The following GLT1D1 variants were observed in gnomAD, a reference collection of about 807,000 sequenced individuals.
GLT1D1 encodes the protein glycosyltransferase 1 domain-containing protein 1.
GLT1D1 carries 21 observed loss-of-function variants against 28.7 expected under a neutral mutation model. The observed-to-expected ratio is 0.73, with a 90% CI of 0.52 to 1.05. GLT1D1 has a LOEUF of 1.05. GLT1D1 is among the 50% of genes least tolerant of loss of function. The probability of loss-of-function intolerance (pLI) is 0.00; values close to 1 mark genes in which losing one functional copy is unlikely to be tolerated. For synonymous variants in GLT1D1, 147 were observed against 124.8 expected, an observed-to-expected ratio of 1.18 and a Z score of -1.19; for missense variants, 343 against 330.6, an observed-to-expected ratio of 1.04 and a Z score of -0.29.
chr12:128,860,820 G>T (rs971219238), intron 1 of GLT1D1, among the ~76,000 whole-genome samples: 1 of 152,124 alleles, frequency 6.6e-6, no homozygotes, highest in Non-Finnish European at 1.5e-5. Flanking sequence ...AGGTCAGAAG[G>T]GTCCCCACCC....
chr12:128,910,990 C>T (rs969372499), intron 4 of GLT1D1, among the ~76,000 whole-genome samples: 4 of 152,088 alleles, frequency 2.6e-5, no homozygotes, highest in Non-Finnish European at 5.9e-5. Flanking sequence ...AGTGCAGTGG[C>T]GCAATGTCGG....
intron 4 of GLT1D1, among the ~76,000 whole-genome samples, chr12:128,924,792 G>T (rs1329022921): frequency 6.6e-6 from 1 of 152,152 alleles, no homozygotes; most frequent in African/African-American, 2.4e-5. Context: ...TGTGAACGGG[G>T]CAGTGGGGAG....
At chr12:128,856,200 T>C (rs1473275741) in intron 1 of GLT1D1, among the ~76,000 whole-genome samples, 3 of 152,184 alleles carry the variant, frequency 2.0e-5, no homozygotes, top group African/African-American at 7.2e-5. Context: ...AGTGTAGCAG[T>C]GAGGACAGCC....
At chr12:128,893,273 A>G (rs887179435) in intron 3 of GLT1D1, among the ~76,000 whole-genome samples, 1 of 152,096 alleles carries the variant, frequency 6.6e-6, no homozygotes, top group African/African-American at 2.4e-5. Context: ...AGAAAAAATT[A>G]TCGTCAAGCA....
intron 3 of GLT1D1, among the ~76,000 whole-genome samples, chr12:128,898,763 C>T (rs1365195822): frequency 6.6e-6 from 1 of 152,182 alleles, no homozygotes; most frequent in Non-Finnish European, 1.5e-5. Flanking sequence ...TTTGAGATCC[C>T]TTGTGCATTT....
intron 4 of GLT1D1, 42 bp from the exon 6 acceptor site, chr12:128,914,891 G>A (rs1412400238): frequency 2.8e-5 from 40 of 1,410,320 alleles, no homozygotes; most frequent in Non-Finnish European, 3.4e-5. Flanking sequence ...TTCAGCAGTC[G>A]CTTCAAAGTG....
chr12:128,941,317 T>G lies in GLT1D1; in HGVS notation c.376-4009T>G, dbSNP rs575173737. ...ATGGTCAGACCTTTGGTCATAGACT[T>G]ACTAAGGATTCCAACCTATTCTGCC... On this transcript the variant is annotated intron_variant, in intron 4 of 7. Transcript: ENST00000281703. 2.6e-5 allele frequency among the ~76,000 whole-genome samples: 4 copies of G among 152,356 alleles called. No homozygotes were observed. The South Asian group carries it at 8.3e-4, about 32-fold the overall frequency.
Position 128,983,161 on chromosome 12 carries a change from G to GGTC in GLT1D1, c.*71_*72insGTC. The GGTC allele has an allele frequency of 4.2e-6, 6 of 1,421,656 alleles. No homozygotes were observed. Among genetic ancestry groups the GGTC allele is most frequent in the Non-Finnish European group, 5.9e-6 (6 of 1,018,828 alleles). The allele number at this position is 1,421,656 out of a possible 1,614,324, so 88.1% of individuals were successfully genotyped here. ...GTGCACACTCAGAGACAGAGTTCTG[G>GGTC]ATCACGTGGGCCCAGTGCAGTTCAA... On this transcript the variant is annotated 3_prime_UTR_variant, in exon 8 of 8. Transcript: ENST00000281703. The surrounding 1 kb of genome is among the most constrained non-coding windows in gnomAD (Gnocchi z 4.7).
chr12:128,872,666 T>C (rs1956726920), intron 1 of GLT1D1, among the ~76,000 whole-genome samples: 1 of 152,152 alleles, frequency 6.6e-6, no homozygotes, highest in Non-Finnish European at 1.5e-5. Flanking sequence ...CCACTGACAG[T>C]TGAGCTGAAT....
intron 2 of GLT1D1, among the ~76,000 whole-genome samples, chr12:128,882,793 A>G (rs1425509594): frequency 1.3e-5 from 2 of 152,204 alleles, no homozygotes; most frequent in Admixed American, 6.6e-5. Flanking sequence ...GTTCCCAGGT[A>G]GTGTGCTTTC....
chr12:128,937,500 A>G (rs1874689865), intron 4 of GLT1D1, among the ~76,000 whole-genome samples: 1 of 152,072 alleles, frequency 6.6e-6, no homozygotes, highest in Non-Finnish European at 1.5e-5. Flanking sequence ...GGGTGATGGG[A>G]AAGTGTCTCA....
At chr12:128,934,769 A>G (rs1385010673) in intron 4 of GLT1D1, among the ~76,000 whole-genome samples, 3 of 152,244 alleles carry the variant, frequency 2.0e-5, no homozygotes, top group Non-Finnish European at 4.4e-5. Flanking sequence ...TCCAGAGGCC[A>G]GGATGTCGCG....
chr12:128,901,468 G>A (rs761303023), intron 4 of GLT1D1, among the ~76,000 whole-genome samples: 6 of 142,216 alleles, frequency 4.2e-5, no homozygotes, highest in Admixed American at 7.4e-5. Context: ...ATGGAGTCTC[G>A]CTCTGTCGCC....
At chr12:128,877,760 C>T (rs548878431) in intron 2 of GLT1D1, among the ~76,000 whole-genome samples, 4 of 152,216 alleles carry the variant, frequency 2.6e-5, no homozygotes, top group Non-Finnish European at 5.9e-5. Flanking sequence ...CCTGCCCCAA[C>T]TTAGTTGCTT....
At chr12:128,911,616 C>T (rs1351242723) in intron 4 of GLT1D1, among the ~76,000 whole-genome samples, 2 of 152,108 alleles carry the variant, frequency 1.3e-5, no homozygotes, top group African/African-American at 2.4e-5. Context: ...TGAGAGAAAC[C>T]GTCCTTGGCA....
chr12:128,871,572 C>T (rs925051571), intron 1 of GLT1D1, among the ~76,000 whole-genome samples: 6 of 152,304 alleles, frequency 3.9e-5, no homozygotes, highest in African/African-American at 1.4e-4. Flanking sequence ...ATATCATCCA[C>T]ATATTAGTAC....
intron 4 of GLT1D1, among the ~76,000 whole-genome samples, chr12:128,940,322 T>C (rs1593163025): frequency 6.6e-6 from 1 of 152,168 alleles, no homozygotes; most frequent in African/African-American, 2.4e-5. Context: ...ATTCAGCCCC[T>C]GGGGTCAGGC....
rs1410503648 is a variant in GLT1D1 at position 128,934,196 on chromosome 12, G to GTT, written c.376-11129_376-11128insTT. On this transcript the variant is annotated intron_variant, in intron 4 of 7. Coordinates refer to ENST00000281703, the MANE Select transcript of GLT1D1 (RefSeq NM_144669.3). ...GACTTACTGTGTCTTCAAAGAGACA[G>GTT]TCTTTTTTTTTTTTTTTTTTTTTTT... 3.5e-4 allele frequency among the ~76,000 whole-genome samples: 45 copies of GTT among 128,688 alleles called. 1 individual carries two copies. The highest frequency in any genetic ancestry group is 4.1e-3 in the Middle Eastern group (1 of 242). The allele number at this position is 128,688 out of a possible 152,430, so 84.4% of individuals were successfully genotyped here. A position where few individuals can be genotyped will look rare whatever the true frequency, so the allele number is the denominator to read the frequency against.
intron 3 of GLT1D1, among the ~76,000 whole-genome samples, chr12:128,891,425 T>C (rs936306636): frequency 2.0e-5 from 3 of 152,172 alleles, no homozygotes; most frequent in East Asian, 3.9e-4. Flanking sequence ...TTACAGTTGG[T>C]CCAACAAGTA....
Sources: allele counts gnomAD v4.1 joint callset (sites outside exome capture counted in the v4.1 genomes callset), GRCh38; gene constraint gnomAD v4.1.1; non-coding constraint Gnocchi (gnomAD v3.1); transcripts MANE v1.5; gene names NCBI Gene and HGNC (gene_info 2026-07-23, HGNC 2026-07-21).